ZNF33A: variants seen among roughly 807,000 people sequenced by gnomAD.
ZNF33A encodes the protein zinc finger protein 33A.
A neutral mutation model predicts 15.9 loss-of-function variants in ZNF33A; 9 were observed. The observed-to-expected ratio is 0.57, with a 90% CI of 0.34 to 0.99. The LOEUF (loss-of-function observed/expected upper bound fraction) is 0.99. Among genes scored for constraint, ZNF33A ranks in the 50% least tolerant of loss-of-function variants. The pLI is 0.02. For missense variants in ZNF33A, 843 were observed against 941.6 expected, an observed-to-expected ratio of 0.90 and a Z score of 1.37; for synonymous variants, 294 against 324.2, an observed-to-expected ratio of 0.91 and a Z score of 1.00.
chr10:38,015,874 T>C (rs1374180035), intron 2 of ZNF33A: 1 of 556,086 alleles, frequency 1.8e-6, no homozygotes, highest in Non-Finnish European at 2.7e-6. Context: ...TTGTCCTTTG[T>C]CGTTCTCAGT....
At chr10:38,067,783 C>T (rs544972529), downstream of ZNF33A, among the ~76,000 whole-genome samples, 13 of 152,282 alleles carry the variant, frequency 8.5e-5, no homozygotes, top group Non-Finnish European at 1.5e-4. Flanking sequence ...AAAAGGGAGA[C>T]ATTGAACGAA....
Position 38,016,956 on chromosome 10 carries a change from G to C in ZNF33A, c.95G>C (p.Ser32Thr). 3 of 1,614,010 alleles carry C rather than the reference G, an allele frequency of 1.9e-6. No individual in the cohort carries two copies. The highest frequency in any genetic ancestry group is 1.7e-6 in the Non-Finnish European group (2 of 1,179,992). The change falls in exon 3 of 5, where the codon AGT becomes ACT. Residue 32 changes from serine (S) to threonine (T), a missense_variant. Physicochemically the swap from Ser to Thr is moderately conservative, Grantham distance 58. Coordinates refer to ENST00000432900, the MANE Select transcript of ZNF33A (RefSeq NM_006954.2). Reference protein sequence around the residue: ...TQEEWQHLDPSQRALYRDVML... With the variant: ...TQEEWQHLDPTQRALYRDVML... ...GAGGAGTGGCAGCACCTGGACCCTA[G>C]TCAGAGGGCTCTGTATAGAGATGTG...
downstream of ZNF33A, among the ~76,000 whole-genome samples, chr10:38,066,205 A>G (rs1302065080): frequency 3.3e-5 from 5 of 152,086 alleles, no homozygotes; most frequent in Admixed American, 3.3e-4. Context: ...GTCTGGATAC[A>G]CTTCTCCTGG....
chr10:38,036,006 A>G (rs2065436299), intron 4 of ZNF33A, among the ~76,000 whole-genome samples: 1 of 152,216 alleles, frequency 6.6e-6, no homozygotes, highest in African/African-American at 2.4e-5. Context: ...TAATCTTAAA[A>G]GCATATGAAG....
At chr10:38,018,548 C>T (rs1429816465) in intron 4 of ZNF33A, among the ~76,000 whole-genome samples, 3 of 152,118 alleles carry the variant, frequency 2.0e-5, no homozygotes, top group Non-Finnish European at 4.4e-5. Context: ...AGCAGATGAG[C>T]AACATCTGAT....
At chr10:38,043,395 C>T (rs1397793222) in intron 4 of ZNF33A, among the ~76,000 whole-genome samples, 2 of 150,926 alleles carry the variant, frequency 1.3e-5, no homozygotes, top group Non-Finnish European at 2.9e-5. Flanking sequence ...ATACCTAATG[C>T]TAAATGACGA....
At chr10:38,025,506 G>A (rs531747767) in intron 4 of ZNF33A, among the ~76,000 whole-genome samples, 1 of 152,348 alleles carries the variant, frequency 6.6e-6, no homozygotes, top group East Asian at 1.9e-4. Flanking sequence ...CACTCACCAT[G>A]TGCATAGAGG....
At chr10:38,018,621 A>G (rs2064576660) in intron 4 of ZNF33A, among the ~76,000 whole-genome samples, 1 of 152,246 alleles carries the variant, frequency 6.6e-6, no homozygotes. Context: ...CATAGGGCAT[A>G]GAGAGCTCAT....
intron 4 of ZNF33A, among the ~76,000 whole-genome samples, chr10:38,019,317 A>C (rs2064623927): frequency 1.3e-5 from 2 of 152,098 alleles, no homozygotes; most frequent in South Asian, 2.1e-4. Flanking sequence ...ACATGAACTC[A>C]TCATTTTTTA....
intron 4 of ZNF33A, among the ~76,000 whole-genome samples, chr10:38,035,866 C>T (rs2065429910): frequency 6.6e-6 from 1 of 152,116 alleles, no homozygotes; most frequent in African/African-American, 2.4e-5. Flanking sequence ...AATTATCAGA[C>T]TTTTTTGGTT....
At chr10:38,065,244 G>C (rs1020870684), downstream of ZNF33A, among the ~76,000 whole-genome samples, 11 of 152,024 alleles carry the variant, frequency 7.2e-5, no homozygotes, top group African/African-American at 2.7e-4. Flanking sequence ...GCTAATTTTT[G>C]TATTTTGTGT....
intron 4 of ZNF33A, among the ~76,000 whole-genome samples, chr10:38,026,484 G>A (rs17593098): frequency 6.6e-6 from 1 of 152,128 alleles, no homozygotes; most frequent in Non-Finnish European, 1.5e-5. Flanking sequence ...ACAGGCACAT[G>A]CCACCATGCC....
chr10:38,050,315 A>G (rs951913668), intron 4 of ZNF33A, among the ~76,000 whole-genome samples: 8 of 152,218 alleles, frequency 5.3e-5, no homozygotes, highest in African/African-American at 1.7e-4. Flanking sequence ...AAATGTGGTT[A>G]ATCCCTGGCA....
At chr10:38,011,465 A>T (rs990337119) in intron 1 of ZNF33A, among the ~76,000 whole-genome samples, 3 of 152,014 alleles carry the variant, frequency 2.0e-5, no homozygotes, top group African/African-American at 7.2e-5. Context: ...CATGCCTGTA[A>T]TCCCAGCTAC....
At chr10:38,022,039 C>T (rs567228235) in intron 4 of ZNF33A, among the ~76,000 whole-genome samples, 79 of 152,082 alleles carry the variant, frequency 5.2e-4, no homozygotes, top group African/African-American at 1.5e-3. Flanking sequence ...GTAGACAAGA[C>T]GATAGGTTGC....
chr10:38,043,600 C>T (rs998594692), intron 4 of ZNF33A, among the ~76,000 whole-genome samples: 1 of 151,932 alleles, frequency 6.6e-6, no homozygotes, highest in Non-Finnish European at 1.5e-5. Flanking sequence ...TTCCCCACCT[C>T]CCCCCAACAA....
In ZNF33A at chr10:38,039,823, A is replaced by G. The variant is rs192014130; in HGVS notation, c.251-14552A>G. On this transcript the variant is annotated intron_variant, in intron 4 of 4. Coordinates refer to ENST00000432900, the MANE Select transcript of ZNF33A (RefSeq NM_006954.2). The stretch of plus-strand genomic sequence containing the variant: ...AGCTAGAGGTTTGTATATTTTGTTG[A>G]TCTTTTCCAGGAATCAGCTATTGTT... 2.0e-5 allele frequency among the ~76,000 whole-genome samples: 3 copies of G among 151,014 alleles called. No individual in the cohort carries two copies. In the East Asian group the frequency reaches 5.9e-4, roughly 30 times the overall value.
intron 4 of ZNF33A, among the ~76,000 whole-genome samples, chr10:38,031,724 G>A (rs1179814803): frequency 1.3e-5 from 2 of 152,002 alleles, no homozygotes; most frequent in African/African-American, 4.8e-5. Context: ...CAGCACTTTG[G>A]GAGGCTGAGG....
At chr10:38,011,912 T>A (rs1358349807) in intron 1 of ZNF33A, among the ~76,000 whole-genome samples, 8 of 152,226 alleles carry the variant, frequency 5.3e-5, no homozygotes, top group African/African-American at 1.9e-4. Flanking sequence ...TTAGTCCTAT[T>A]TTTTACAATG....
Sources: gnomAD v4.1 joint callset for allele counts (sites outside exome capture counted in the v4.1 genomes callset) on GRCh38, gnomAD v4.1.1 for gene constraint, MANE v1.5 for transcripts, NCBI Gene and HGNC (gene_info 2026-07-23, HGNC 2026-07-21) for gene names.